The following FLT4 variants were observed in gnomAD, a reference collection of about 807,000 sequenced individuals.
The protein encoded by FLT4 is vascular endothelial growth factor receptor 3.
Under a neutral mutation model 163.2 loss-of-function variants are expected in FLT4, and 30 were observed. The observed-to-expected ratio is 0.18, with a 90% CI of 0.14 to 0.25. FLT4 has a LOEUF of 0.25. Ranked by LOEUF, FLT4 falls within the 10% of genes least tolerant of loss-of-function variation. FLT4 has a pLI of 1.00. For missense variants in FLT4, 1,510 were observed against 1,863.8 expected, an observed-to-expected ratio of 0.81 and a Z score of 3.50; for synonymous variants, 884 against 789.5, an observed-to-expected ratio of 1.12 and a Z score of -2.01.
chr5:180,626,061 G>A (rs1561729319), intron 9 of FLT4, 30 bp from the exon 10 acceptor site: 3 of 1,612,718 alleles, frequency 1.9e-6, no homozygotes, highest in Non-Finnish European at 2.5e-6. Flanking sequence ...CGGTCAGCTG[G>A]CCTCCAATGC....
intron 1 of FLT4, among the ~76,000 whole-genome samples, chr5:180,642,076 G>A (rs560079414): frequency 8.3e-4 from 127 of 152,120 alleles, no homozygotes; most frequent in Middle Eastern, 3.4e-3. Flanking sequence ...GTGTGGTGGC[G>A]GGCGCCTGCA....
chr5:180,614,586 C>T (rs1027150855), intron 23 of FLT4, among the ~76,000 whole-genome samples: 11 of 152,190 alleles, frequency 7.2e-5, no homozygotes, highest in African/African-American at 1.9e-4. Context: ...CCCTGGAAGC[C>T]GGGCCATCAC....
At chr5:180,648,523 G>A (rs1474453887) in intron 1 of FLT4, among the ~76,000 whole-genome samples, 1 of 152,116 alleles carries the variant, frequency 6.6e-6, no homozygotes, top group Admixed American at 6.5e-5. Flanking sequence ...GCTGACTTCA[G>A]GGCTTCAGAC....
At chr5:180,604,272 C>T (rs554107150) in intron 29 of FLT4, among the ~76,000 whole-genome samples, 4 of 152,286 alleles carry the variant, frequency 2.6e-5, no homozygotes, top group South Asian at 2.1e-4. Context: ...ACGGCACCAC[C>T]GTCCCCTCAG....
At chr5:180,625,841 G>C in intron 10 of FLT4, 28 bp downstream of exon 10, 1 of 1,522,148 alleles carries the variant, frequency 6.6e-7, no homozygotes, top group Non-Finnish European at 8.7e-7. Context: ...TGGCTGTGCA[G>C]GGGACCTGAG....
chr5:180,616,833 A>C (rs1762731363), intron 22 of FLT4, 67 bp downstream of exon 22: 2 of 1,232,126 alleles, frequency 1.6e-6, no homozygotes, highest in Admixed American at 3.4e-5. Context: ...GCCAGTACCA[A>C]GCACTTCTTG....
chr5:180,635,884 G>T (rs1448916224), intron 1 of FLT4, among the ~76,000 whole-genome samples: 1 of 95,432 alleles, frequency 1.0e-5, no homozygotes. Context: ...TGGATGGATG[G>T]ATGGGAGTAT....
intron 24 of FLT4, chr5:180,613,470 T>TCCTGCTGCTCCCCCCCACC: frequency 3.7e-6 from 1 of 267,556 alleles, no homozygotes; most frequent in Admixed American, 5.0e-5. Flanking sequence ...TCGCTGCTTC[T>TCCTGCTGCTCCCCCCCACC]CCTGCTGCTC....
chr5:180,621,502 G>A (rs1331225002), intron 13 of FLT4, 40 bp downstream of exon 13: 10 of 1,605,278 alleles, frequency 6.2e-6, no homozygotes, highest in Non-Finnish European at 8.5e-6. Context: ...GCTACTGCTA[G>A]AAGAGAGCGC....
chr5:180,629,216 C>T (rs370860148), intron 7 of FLT4, 43 bp downstream of exon 7: 3 of 1,610,260 alleles, frequency 1.9e-6, no homozygotes, highest in Non-Finnish European at 2.5e-6. Flanking sequence ...AGCTCTGGGC[C>T]CAGGCCCACA....
intron 6 of FLT4, 70 bp downstream of exon 6, chr5:180,629,626 G>A (rs1763929618): frequency 1.9e-6 from 3 of 1,542,042 alleles, no homozygotes; most frequent in Admixed American, 3.5e-5. Context: ...CCACGCGGAG[G>A]CCCAGTGTGT....
At chr5:180,609,447 G>A (rs756388073) in intron 28 of FLT4, 8 of 391,702 alleles carry the variant, frequency 2.0e-5, no homozygotes, top group East Asian at 9.5e-5. Context: ...GTTATCCTTC[G>A]ACTGTGGCTT....
At chr5:180,637,512 T>C (rs1225470556) in intron 1 of FLT4, among the ~76,000 whole-genome samples, 1 of 152,122 alleles carries the variant, frequency 6.6e-6, no homozygotes, top group African/African-American at 2.4e-5. Context: ...GTCTTTGCTA[T>C]GCAATCATCT....
At chr5:180,639,994 A>G (rs1300816123) in intron 1 of FLT4, among the ~76,000 whole-genome samples, 2 of 152,198 alleles carry the variant, frequency 1.3e-5, no homozygotes, top group Non-Finnish European at 2.9e-5. Flanking sequence ...CAGAAAGGCC[A>G]GAATGCATAC....
At chr5:180,647,304 A>ACACACAACC (rs916976474) in intron 1 of FLT4, among the ~76,000 whole-genome samples, 3 of 152,144 alleles carry the variant, frequency 2.0e-5, no homozygotes, top group African/African-American at 7.2e-5. Flanking sequence ...CAGCCCAAGC[A>ACACACAACC]CACACAACCC....
chr5:180,606,640 G>A (rs1761802060), intron 29 of FLT4, among the ~76,000 whole-genome samples: 1 of 152,242 alleles, frequency 6.6e-6, no homozygotes, highest in South Asian at 2.1e-4. Context: ...CATTCTCTGT[G>A]ACACCTTTTA....
In FLT4 at chr5:180,612,431, G is replaced by A. The variant is rs975284713; in HGVS notation, c.3537+75C>T. 104 of 1,085,720 alleles carry A rather than the reference G, an allele frequency of 9.6e-5. 1 individual carries two copies. The highest frequency in any genetic ancestry group is 1.1e-4 in the Non-Finnish European group (74 of 699,888). 67.3% of individuals were successfully genotyped at this position (1,085,720 alleles called of 1,614,324 possible). The stretch of plus-strand genomic sequence containing the variant: ...AGGTGGGCAGAGCCTAGATGGGCTT[G>A]GAGGGGCAGCTCGGGCCAGGGACCC... On this transcript the variant is annotated intron_variant, in intron 26 of 29. Coordinates refer to ENST00000261937, the MANE Select transcript of FLT4 (RefSeq NM_182925.5).
Position 180,620,545 on chromosome 5 carries a change from T to G in FLT4, c.2406+64A>C. The G allele has an allele frequency of 7.4e-7, 1 of 1,346,376 alleles. No homozygotes were observed. The highest frequency in any genetic ancestry group is 1.1e-6 in the Non-Finnish European group (1 of 942,292). 83.4% of individuals were successfully genotyped at this position (1,346,376 alleles called of 1,614,324 possible). ...AGGGCGGGCACCTTATTCTTTATCTTAGGGGCGGCCAGGGTGGGGAAGGCC... is the reference window on the plus strand; with the variant it reads ...AGGGCGGGCACCTTATTCTTTATCTGAGGGGCGGCCAGGGTGGGGAAGGCC... On this transcript the variant is annotated intron_variant, in intron 16 of 29. Coordinates refer to ENST00000261937, the MANE Select transcript of FLT4 (RefSeq NM_182925.5). The surrounding 1 kb of genome is among the most constrained non-coding windows in gnomAD (Gnocchi z 4.4).
At chr5:180,634,715 G>T (rs1306762763) in intron 1 of FLT4, among the ~76,000 whole-genome samples, 1 of 106,742 alleles carries the variant, frequency 9.4e-6, no homozygotes, top group Non-Finnish European at 2.0e-5. Flanking sequence ...AAAAAAAAAA[G>T]AATGGTCAGA....
Sources: gnomAD v4.1 joint callset for allele counts (sites outside exome capture counted in the v4.1 genomes callset) on GRCh38, gnomAD v4.1.1 for gene constraint, Gnocchi (gnomAD v3.1) non-coding constraint, MANE v1.5 for transcripts, NCBI Gene and HGNC (gene_info 2026-07-23, HGNC 2026-07-21) for gene names.